Variants in KDM7A observed in about 807,000 individuals in gnomAD.
KDM7A encodes the protein lysine demethylase 7A.
In KDM7A, 28 loss-of-function variants were observed where a neutral mutation model predicts 114.8. The observed-to-expected ratio is 0.24, with a 90% CI of 0.18 to 0.33. KDM7A has a LOEUF of 0.33. Ranked by LOEUF, KDM7A falls within the 10% of genes least tolerant of loss-of-function variation. The pLI, the probability that KDM7A is intolerant of heterozygous loss-of-function variation, is 1.00. For synonymous variants in KDM7A, 423 were observed against 397.8 expected (o/e 1.06, Z -0.75); for missense variants, 942 against 1,142.5 (o/e 0.82, Z 2.53).
At chr7:140,120,594 C>A in intron 7 of KDM7A, 65 bp from the exon 8 acceptor site, 1 of 907,212 alleles carries the variant, frequency 1.1e-6, no homozygotes, top group African/African-American at 1.6e-5. Flanking sequence ...AATAGGATAT[C>A]TACCTGTGAA....
intron 14 of KDM7A, among the ~76,000 whole-genome samples, chr7:140,097,929 G>T (rs1340650013): frequency 6.6e-6 from 1 of 152,146 alleles, no homozygotes; most frequent in Non-Finnish European, 1.5e-5. Context: ...CTTTCCAGAA[G>T]AAAAATGCTG....
At chr7:140,118,743 G>C (rs1818572390) in intron 9 of KDM7A, among the ~76,000 whole-genome samples, 1 of 152,048 alleles carries the variant, frequency 6.6e-6, no homozygotes, top group Non-Finnish European at 1.5e-5. Flanking sequence ...AGCAAATTTT[G>C]GGAACATATA....
chr7:140,116,130 T>C (rs577408800), intron 9 of KDM7A, among the ~76,000 whole-genome samples: 1 of 152,326 alleles, frequency 6.6e-6, no homozygotes, highest in East Asian at 1.9e-4. Flanking sequence ...ACCTATGACC[T>C]AGCAATTAGG....
At chr7:140,132,864 GATTTAA>G (rs1562954641) in intron 3 of KDM7A, among the ~76,000 whole-genome samples, 1 of 152,138 alleles carries the variant, frequency 6.6e-6, no homozygotes, top group African/African-American at 2.4e-5. Context: ...GTGATACTGT[GATTTAA>G]ATTTAAATTG....
intron 1 of KDM7A, among the ~76,000 whole-genome samples, chr7:140,171,426 G>A (rs374462134): frequency 1.3e-5 from 2 of 150,132 alleles, no homozygotes; most frequent in Non-Finnish European, 3.0e-5. Context: ...CCGAGATTGC[G>A]CCACTGCACT....
At chr7:140,158,865 T>G (rs1222338774) in intron 1 of KDM7A, among the ~76,000 whole-genome samples, 3 of 152,116 alleles carry the variant, frequency 2.0e-5, no homozygotes, top group Admixed American at 6.5e-5. Flanking sequence ...AAAGCCTGAT[T>G]GGATTGAGTA....
At chr7:140,115,412 G>A (rs1022974118) in intron 9 of KDM7A, among the ~76,000 whole-genome samples, 2 of 152,240 alleles carry the variant, frequency 1.3e-5, no homozygotes, top group African/African-American at 4.8e-5. Context: ...TGTGTAGAAA[G>A]AAGTAGACAT....
Position 140,122,110 on chromosome 7 carries a change from T to G in KDM7A, c.1052-1581A>C, listed in dbSNP as rs1329735300. ...ACCAGCCCTCCATGTGATTCTGATA[T>G]TCCAGGAAGTATCAGTACCTACACC... On this transcript the variant is annotated intron_variant, in intron 7 of 19. Coordinates refer to ENST00000397560, the MANE Select transcript of KDM7A (RefSeq NM_030647.2). Among the ~76,000 whole-genome samples the G allele has an allele frequency of 2.0e-5, 3 of 152,166 alleles. No homozygotes were observed. In the East Asian group the frequency reaches 5.8e-4, roughly 29 times the overall value.
At position 140,101,889 on chromosome 7, in the gene KDM7A, C is replaced by A; in HGVS notation, c.1638+62G>T. 3 of 1,042,672 alleles carry A rather than the reference C, an allele frequency of 2.9e-6. No individual in the cohort carries two copies. In the South Asian group the frequency reaches 4.0e-5, roughly 14 times the overall value. 64.6% of individuals were successfully genotyped at this position (1,042,672 alleles called of 1,614,324 possible). On this transcript the variant is annotated intron_variant, in intron 12 of 19. Transcript: ENST00000397560. Reference sequence around the variant, plus strand: ...ATAGTCAAGACTATTCTCTTATTATCCCTATAAAGACTTTAAGGAACAGCC... The same window carrying A: ...ATAGTCAAGACTATTCTCTTATTATACCTATAAAGACTTTAAGGAACAGCC...
chr7:140,152,995 G>A (rs112167139), intron 1 of KDM7A, among the ~76,000 whole-genome samples: 1 of 151,716 alleles, frequency 6.6e-6, no homozygotes, highest in African/African-American at 2.4e-5. Context: ...GAGTAGCTGG[G>A]AATACAGGCA....
At chr7:140,166,744 C>T (rs915846897) in intron 1 of KDM7A, among the ~76,000 whole-genome samples, 7 of 152,100 alleles carry the variant, frequency 4.6e-5, no homozygotes, top group Non-Finnish European at 1.0e-4. Flanking sequence ...AGCATACCCA[C>T]GATCTACCAC....
intron 16 of KDM7A, 29 bp downstream of exon 16, chr7:140,096,870 A>C: frequency 6.2e-7 from 1 of 1,606,232 alleles, no homozygotes; most frequent in Non-Finnish European, 8.5e-7. Context: ...TTACAATATA[A>C]TAAGACTTAC....
chr7:140,161,080 C>A (rs1794513856), intron 1 of KDM7A, among the ~76,000 whole-genome samples: 2 of 152,172 alleles, frequency 1.3e-5, no homozygotes, highest in South Asian at 2.1e-4. Context: ...ATGAATCAGA[C>A]CTGTGACAAG....
chr7:140,162,169 C>T (rs1184660172), intron 1 of KDM7A, among the ~76,000 whole-genome samples: 2 of 152,044 alleles, frequency 1.3e-5, no homozygotes, highest in African/African-American at 4.8e-5. Context: ...AATCCCATCT[C>T]TACTAAAAAT....
intron 9 of KDM7A, among the ~76,000 whole-genome samples, chr7:140,114,959 G>A (rs2116779148): frequency 6.7e-6 from 1 of 150,280 alleles, no homozygotes; most frequent in South Asian, 2.1e-4. Context: ...GATAACTGAG[G>A]AGCCCCTCCG....
intron 10 of KDM7A, 48 bp from the exon 11 acceptor site, chr7:140,111,232 T>TGTA: frequency 7.8e-7 from 1 of 1,276,598 alleles, no homozygotes; most frequent in African/African-American, 1.5e-5. Flanking sequence ...ATTTACACTT[T>TGTA]AATATGTAAA....
intron 9 of KDM7A, among the ~76,000 whole-genome samples, chr7:140,118,004 T>C (rs1818559485): frequency 6.6e-6 from 1 of 152,268 alleles, no homozygotes; most frequent in African/African-American, 2.4e-5. Context: ...ATTTTAGTTC[T>C]GTACATCCTA....
At chr7:140,093,820 G>C (rs1460272017) in intron 18 of KDM7A, among the ~76,000 whole-genome samples, 1 of 152,154 alleles carries the variant, frequency 6.6e-6, no homozygotes, top group South Asian at 2.1e-4. Context: ...TGGTTTAACT[G>C]CTTCCTTGAA....
chr7:140,136,426 T>C (rs1349430686), intron 2 of KDM7A, among the ~76,000 whole-genome samples: 1 of 152,144 alleles, frequency 6.6e-6, no homozygotes, highest in African/African-American at 2.4e-5. Context: ...TAACAGCTGA[T>C]TGAATTTCTT....
Sources: gnomAD v4.1 joint callset for allele counts (sites outside exome capture counted in the v4.1 genomes callset) on GRCh38, gnomAD v4.1.1 for gene constraint, MANE v1.5 for transcripts, NCBI Gene and HGNC (gene_info 2026-07-23, HGNC 2026-07-21) for gene names.